Variants in BLVRA observed in about 807,000 individuals in gnomAD.
The protein encoded by BLVRA is BVR A.
A neutral mutation model predicts 32.8 loss-of-function variants in BLVRA; 22 were observed. That is an observed-to-expected ratio of 0.67 (90% CI 0.48 to 0.96). The LOEUF is 0.96. BLVRA is among the 40% of genes least tolerant of loss of function. BLVRA has a pLI of 0.00. For synonymous variants in BLVRA, 119 were observed against 141.3 expected (o/e 0.84, Z 1.12); for missense variants, 323 against 358.1 (o/e 0.90, Z 0.79).
intron 5 of BLVRA, 116 bp from the exon 6 acceptor site, chr7:43,800,349 C>A: frequency 1.0e-6 from 1 of 976,360 alleles, no homozygotes; most frequent in Non-Finnish European, 1.6e-6. Flanking sequence ...GGCCATGTGC[C>A]CAGGGCAGTT....
chr7:43,801,053 G>A (rs1411213467), intron 6 of BLVRA, among the ~76,000 whole-genome samples: 2 of 152,060 alleles, frequency 1.3e-5, no homozygotes, highest in Admixed American at 6.6e-5. Context: ...AGGCTGGAGT[G>A]CAGTGGTGCA....
At chr7:43,779,854 T>C (rs1413741912) in intron 2 of BLVRA, among the ~76,000 whole-genome samples, 2 of 151,918 alleles carry the variant, frequency 1.3e-5, no homozygotes, top group Non-Finnish European at 2.9e-5. Context: ...GTTCCTTACA[T>C]ATATATATTT....
chr7:43,758,147 A>T (rs937857286), upstream of BLVRA, among the ~76,000 whole-genome samples: 3 of 152,118 alleles, frequency 2.0e-5, no homozygotes, highest in Non-Finnish European at 4.4e-5. Context: ...GCTACCCAAG[A>T]GCAGGACATC....
At chr7:43,788,911 TTATAGGCGTGAGCCA>T (rs1435872257) in intron 3 of BLVRA, among the ~76,000 whole-genome samples, 49 of 151,870 alleles carry the variant, frequency 3.2e-4, no homozygotes, top group Non-Finnish European at 2.2e-4. Context: ...AGTGCTGAGA[TTATAGGCGTGAGCCA>T]GTGCACCCAG....
At chr7:43,775,134 C>T (rs2095759259) in intron 2 of BLVRA, among the ~76,000 whole-genome samples, 1 of 151,854 alleles carries the variant, frequency 6.6e-6, no homozygotes, top group Non-Finnish European at 1.5e-5. Context: ...CCTTTATTTC[C>T]TTCTCCTGCC....
chr7:43,774,392 G>A (rs1179400191), intron 2 of BLVRA, among the ~76,000 whole-genome samples: 1 of 152,196 alleles, frequency 6.6e-6, no homozygotes, highest in African/African-American at 2.4e-5. Flanking sequence ...TTATTAAATA[G>A]GGAATCCTTT....
Position 43,798,198 on chromosome 7 carries a change from A to C in BLVRA, c.353-2267A>C, listed in dbSNP as rs954741420. ...GACAGAGGGAGACTCCCCATCTCAC[A>C]AAAAAAAAAAAAAAAAAAAAAAAAA... On this transcript the variant is annotated intron_variant, in intron 5 of 7. Transcript: ENST00000265523. Among the ~76,000 whole-genome samples the C allele has an allele frequency of 1.7e-4, 7 of 41,902 alleles. No homozygotes were observed. In the East Asian group the frequency reaches 1.8e-3, roughly 11 times the overall value. The allele number at this position is 41,902 out of a possible 152,430, so 27.5% of individuals were successfully genotyped here. A position where few individuals can be genotyped will look rare whatever the true frequency, so the allele number is the denominator to read the frequency against.
At chr7:43,800,885 C>T (rs1173313068) in intron 6 of BLVRA, among the ~76,000 whole-genome samples, 1 of 152,222 alleles carries the variant, frequency 6.6e-6, no homozygotes, top group East Asian at 1.9e-4. Context: ...TTTATACTTC[C>T]TTGCAAAGCA....
In BLVRA at chr7:43,803,825, T is replaced by A. The variant is rs752396295; in HGVS notation, c.610T>A (p.Cys204Ser). Residue 204 changes from cysteine to serine, a missense_variant, in exon 7 of 8, where the codon TGT (cysteine) becomes AGT (serine). Coordinates refer to ENST00000265523, the MANE Select transcript of BLVRA (RefSeq NM_000712.4). ...AGATCAGTATATGAAAATGACAGTG[T>A]GTCTGGAGACAGAGAAGAAAAGGTA... is the stretch of plus-strand genomic sequence containing the variant. ...KEDQYMKMTV[C>S]LETEKKSPLS... 1 of 1,614,046 alleles carries A rather than the reference T, an allele frequency of 6.2e-7. No individual in the cohort carries two copies. The highest frequency in any genetic ancestry group is 2.2e-5 in the East Asian group (1 of 44,874).
In BLVRA at chr7:43,791,289, T is replaced by C. The variant is rs1802846; in HGVS notation, c.175T>C (p.Leu59=). 0.12 allele frequency: 190,642 copies of C among 1,613,934 alleles called. 12,140 individuals carry two copies. Among genetic ancestry groups the C allele is most frequent in the Admixed American group, 0.23 (13,919 of 60,004 alleles). Residue 59 remains leucine (L), a synonymous_variant, in exon 4 of 8, where the codon TTG becomes CTG. Transcript: ENST00000265523. ...CATTGATGGAGTCCAGCAGATTTCT[T>C]TGGAGGATGCTCTTTCCAGCCAAGA... is the stretch of plus-strand genomic sequence containing the variant. The part of the protein sequence containing the change: ...GSIDGVQQIS[L]EDALSSQEVE...
chr7:43,761,171 T>A (rs895432473), intron 1 of BLVRA, among the ~76,000 whole-genome samples: 3 of 152,216 alleles, frequency 2.0e-5, no homozygotes, highest in African/African-American at 7.2e-5. Flanking sequence ...AACAGTGACA[T>A]ATATACACAC....
chr7:43,767,268 C>T, intron 1 of BLVRA: 2 of 920,990 alleles, frequency 2.2e-6, no homozygotes, highest in Non-Finnish European at 3.5e-6. Context: ...CCACCGAGCA[C>T]CTGTGCCAGC....
chr7:43,777,539 T>A (rs2095762843), intron 2 of BLVRA, among the ~76,000 whole-genome samples: 1 of 152,362 alleles, frequency 6.6e-6, no homozygotes, highest in Middle Eastern at 3.4e-3. Flanking sequence ...CTTCCCTTTG[T>A]GGATAACCCG....
chr7:43,786,484 GA>G (rs1405687011), intron 2 of BLVRA, among the ~76,000 whole-genome samples: 1 of 152,290 alleles, frequency 6.6e-6, no homozygotes, highest in South Asian at 2.1e-4. Context: ...CAAGGAGACA[GA>G]AAATCAGGAA....
At chr7:43,776,305 T>G (rs1222450788) in intron 2 of BLVRA, among the ~76,000 whole-genome samples, 1 of 152,224 alleles carries the variant, frequency 6.6e-6, no homozygotes, top group Non-Finnish European at 1.5e-5. Context: ...CTCTACACAC[T>G]GCTTTGAATG....
Position 43,792,755 on chromosome 7 carries a change from C to T in BLVRA, c.295C>T (p.Pro99Ser), listed in dbSNP as rs2095787590. 1 of 1,614,166 alleles carries T rather than the reference C, an allele frequency of 6.2e-7. No homozygotes were observed. The highest frequency in any genetic ancestry group is 2.2e-5 in the East Asian group (1 of 44,888). ...TGGCAAGCACGTCCTTGTGGAATAC[C>T]CCATGACACTGTCATTGGCGGCCGC... ...NAGKHVLVEY[P>S]MTLSLAAAQE... Residue 99 changes from proline (P) to serine (S), a missense_variant, in exon 5 of 8, where the codon CCC (proline) becomes TCC (serine). By Grantham distance (74) the Pro-to-Ser change is moderately conservative (BLOSUM62 -1). Transcript: ENST00000265523.
intron 5 of BLVRA, among the ~76,000 whole-genome samples, chr7:43,798,232 C>T (rs1200051138): frequency 4.3e-5 from 4 of 94,098 alleles, no homozygotes; most frequent in South Asian, 4.0e-4. Flanking sequence ...AAAAAGGAAA[C>T]GATGCTGTTT....
At chr7:43,798,197 C>CAAAAAAAAAAAAA (rs56855757) in intron 5 of BLVRA, among the ~76,000 whole-genome samples, 2 of 45,194 alleles carry the variant, frequency 4.4e-5, no homozygotes, top group Non-Finnish European at 8.0e-5. Context: ...CCCCATCTCA[C>CAAAAAAAAAAAAA]AAAAAAAAAA....
chr7:43,784,072 A>C (rs1232613620), intron 2 of BLVRA, among the ~76,000 whole-genome samples: 1 of 152,090 alleles, frequency 6.6e-6, no homozygotes, highest in East Asian at 1.9e-4. Context: ...GCGCAAGCTC[A>C]CTCTGTGACT....
Sources: gnomAD v4.1 joint callset for allele counts (sites outside exome capture counted in the v4.1 genomes callset) on GRCh38, gnomAD v4.1.1 for gene constraint, MANE v1.5 for transcripts, NCBI Gene and HGNC (gene_info 2026-07-23, HGNC 2026-07-21) for gene names.